FOXN3: variants seen among roughly 807,000 people sequenced by gnomAD.
FOXN3 encodes forkhead box protein N3.
FOXN3 carries 7 observed loss-of-function variants against 38.4 expected under a neutral mutation model. The observed-to-expected ratio is 0.18, with a 90% confidence interval of 0.10 to 0.34. The LOEUF (loss-of-function observed/expected upper bound fraction) is 0.34, where lower values mean the gene tolerates loss of function less well. Among genes scored for constraint, FOXN3 ranks in the 10% least tolerant of loss-of-function variants. The pLI, the probability that FOXN3 is intolerant of heterozygous loss-of-function variation, is 1.00. For synonymous variants in FOXN3, 230 were observed against 242.2 expected (o/e 0.95, Z 0.47); for missense variants, 456 against 613.4 (o/e 0.74, Z 2.71).
upstream of FOXN3, among the ~76,000 whole-genome samples, chr14:89,421,445 G>A (rs1891904333): frequency 6.6e-6 from 1 of 151,520 alleles, no homozygotes; most frequent in Admixed American, 6.6e-5. Flanking sequence ...ACTGCACCAG[G>A]CCAAACATAT....
At chr14:89,365,854 CA>C (rs1455696894) in intron 2 of FOXN3, among the ~76,000 whole-genome samples, 2 of 152,262 alleles carry the variant, frequency 1.3e-5, no homozygotes, top group East Asian at 3.9e-4. Flanking sequence ...CACGTACACA[CA>C]AAGTACACAT....
At chr14:89,199,961 C>A (rs1279630219) in intron 4 of FOXN3, among the ~76,000 whole-genome samples, 1 of 152,114 alleles carries the variant, frequency 6.6e-6, no homozygotes, top group Non-Finnish European at 1.5e-5. Context: ...CTATTTTATA[C>A]AAGAGATTTG....
Position 89,162,330 on chromosome 14 carries a change from C to A in FOXN3, c.*84G>T. 2 of 1,151,186 alleles carry A rather than the reference C, an allele frequency of 1.7e-6. No homozygotes were observed. The highest frequency in any genetic ancestry group is 1.2e-6 in the Non-Finnish European group (1 of 838,928). 71.3% of individuals were successfully genotyped at this position (1,151,186 alleles called of 1,614,324 possible). ...AAACAAGAAAAAAGAAAAAAAATTG[C>A]TGATATTGCCACAAATCATTAGAAA... On this transcript the variant is annotated 3_prime_UTR_variant, in exon 6 of 6. Transcript: ENST00000557258. This position sits in a 1 kb window ranked among gnomAD's most constrained non-coding sequence, Gnocchi z 7.2.
chr14:89,401,799 G>C (rs1223343700), intron 2 of FOXN3: 1 of 377,652 alleles, frequency 2.6e-6, no homozygotes, highest in Non-Finnish European at 5.2e-6. Flanking sequence ...GCACTTCACA[G>C]AACTCCAATA....
At chr14:89,568,930 C>T (rs1895425515) in intron 1 of FOXN3, among the ~76,000 whole-genome samples, 2 of 152,176 alleles carry the variant, frequency 1.3e-5, no homozygotes, top group African/African-American at 2.4e-5. Context: ...ATTGGCCGGG[C>T]ACGGTGGCTC....
At chr14:89,466,674 A>G (rs1199978314) in intron 1 of FOXN3, among the ~76,000 whole-genome samples, 1 of 152,212 alleles carries the variant, frequency 6.6e-6, no homozygotes, top group East Asian at 1.9e-4. Flanking sequence ...ACCAGGGACC[A>G]CAGGCTACAA....
chr14:89,562,040 G>A (rs1895259178), intron 1 of FOXN3, among the ~76,000 whole-genome samples: 1 of 152,122 alleles, frequency 6.6e-6, no homozygotes, highest in African/African-American at 2.4e-5. Context: ...AAATAGGGAT[G>A]GGTAGACTTG....
At chr14:89,462,320 C>A (rs1278827930) in intron 1 of FOXN3, among the ~76,000 whole-genome samples, 1 of 152,218 alleles carries the variant, frequency 6.6e-6, no homozygotes, top group African/African-American at 2.4e-5. Context: ...TCAAAAGCCA[C>A]CTCACCAGGA....
intron 3 of FOXN3, among the ~76,000 whole-genome samples, chr14:89,338,958 C>T (rs942191089): frequency 1.3e-5 from 2 of 152,288 alleles, no homozygotes; most frequent in South Asian, 4.1e-4. Flanking sequence ...CATCATTTTA[C>T]TTAATTTAAT....
chr14:89,349,761 C>G (rs1888893935), intron 3 of FOXN3: 1 of 152,272 alleles, frequency 6.6e-6, no homozygotes, highest in African/African-American at 2.4e-5. Context: ...TGTGCTCCCT[C>G]CTGCAGAACA....
At chr14:89,217,141 T>C (rs77754735) in intron 4 of FOXN3, among the ~76,000 whole-genome samples, 2 of 152,098 alleles carry the variant, frequency 1.3e-5, no homozygotes, top group South Asian at 4.2e-4. Flanking sequence ...AATGTTTTTT[T>C]GGTTCGTTTT....
intron 1 of FOXN3, among the ~76,000 whole-genome samples, chr14:89,532,800 C>T (rs772266613): frequency 9.9e-5 from 15 of 152,066 alleles, no homozygotes; most frequent in Non-Finnish European, 1.8e-4. Context: ...AAAAACAAAA[C>T]AAAAACCACT....
chr14:89,609,806 G>C lies in FOXN3; in HGVS notation c.-15+9222C>G, dbSNP rs189006510. ...TTTTTTGGAGGGAAGCACCAGTAAG[G>C]GTTGTGGAGATGAACAGGAGGTGGA... On this transcript the variant is annotated intron_variant, in intron 1 of 6. Transcript: ENST00000345097. 5.4e-4 allele frequency among the ~76,000 whole-genome samples: 82 copies of C among 152,252 alleles called. 1 individual carries two copies. The highest frequency in any genetic ancestry group is 1.8e-3 in the African/African-American group (76 of 41,536).
At chr14:89,479,517 C>T (rs531829426) in intron 1 of FOXN3, among the ~76,000 whole-genome samples, 24 of 152,104 alleles carry the variant, frequency 1.6e-4, no homozygotes, top group South Asian at 1.2e-3. Flanking sequence ...TCGGTGGTGG[C>T]GGTGTGATGA....
At chr14:89,380,188 G>A (rs180997400) in intron 2 of FOXN3, among the ~76,000 whole-genome samples, 1 of 152,322 alleles carries the variant, frequency 6.6e-6, no homozygotes, top group African/African-American at 2.4e-5. Context: ...TAGTGAATAT[G>A]TCTCACAAGA....
chr14:89,172,004 C>A (rs1411066994), intron 5 of FOXN3, among the ~76,000 whole-genome samples: 1 of 152,072 alleles, frequency 6.6e-6, no homozygotes, highest in Non-Finnish European at 1.5e-5. Flanking sequence ...GTTTATTTAG[C>A]AAGGTTGCTG....
chr14:89,462,915 A>C (rs1291227488), intron 1 of FOXN3, among the ~76,000 whole-genome samples: 1 of 149,376 alleles, frequency 6.7e-6, no homozygotes, highest in African/African-American at 2.5e-5. Context: ...CGATCTCCTG[A>C]TCTCATGATC....
chr14:89,365,102 C>T (rs1055406777), intron 2 of FOXN3, among the ~76,000 whole-genome samples: 4 of 152,146 alleles, frequency 2.6e-5, no homozygotes, highest in Admixed American at 6.5e-5. Flanking sequence ...AGAATTTCCC[C>T]GAGCTTCCGC....
chr14:89,401,914 TCCCC>T (rs1891259593), intron 2 of FOXN3, among the ~76,000 whole-genome samples: 1 of 152,106 alleles, frequency 6.6e-6, no homozygotes, highest in Non-Finnish European at 1.5e-5. Context: ...GAGAGCTTTT[TCCCC>T]TGGGAAGCGT....
Sources: allele counts gnomAD v4.1 joint callset (sites outside exome capture counted in the v4.1 genomes callset), GRCh38; gene constraint gnomAD v4.1.1; non-coding constraint Gnocchi (gnomAD v3.1); transcripts MANE v1.5; gene names NCBI Gene and HGNC (gene_info 2026-07-23, HGNC 2026-07-21).